The following PLAC1 variants were observed in gnomAD, a reference collection of about 807,000 sequenced individuals.
The protein encoded by PLAC1 is placenta-specific protein 1.
For synonymous variants in PLAC1, 68 were observed against 62.1 expected (o/e 1.09, Z -0.44); for missense variants, 136 against 163.2 (o/e 0.83, Z 0.91).
chrX:134,609,733 C>T (rs1277286106), intron 1 of PLAC1, among the ~76,000 whole-genome samples: 1 of 111,504 alleles, frequency 9.0e-6, no homozygotes, highest in African/African-American at 3.3e-5. Flanking sequence ...TTCCTTGGTG[C>T]ATCTGGGTGA....
intron 2 of PLAC1, among the ~76,000 whole-genome samples, chrX:134,588,697 G>C (rs2078019040): frequency 9.0e-6 from 1 of 110,683 alleles, no homozygotes; most frequent in Admixed American, 9.7e-5. Context: ...TTTGAGAGAA[G>C]GGATGAATTC....
intron 2 of PLAC1, among the ~76,000 whole-genome samples, chrX:134,571,218 A>G (rs1487672736): frequency 4.4e-5 from 5 of 112,595 alleles, no homozygotes; most frequent in Non-Finnish European, 7.5e-5. Flanking sequence ...GCTGCTTATA[A>G]AGTTCAGCAG....
chrX:134,573,250 A>G (rs2077919096), intron 2 of PLAC1, among the ~76,000 whole-genome samples: 1 of 112,494 alleles, frequency 8.9e-6, no homozygotes, highest in African/African-American at 3.2e-5. Flanking sequence ...GATGTATTTC[A>G]TAATTTCCAT....
intron 2 of PLAC1, among the ~76,000 whole-genome samples, chrX:134,698,993 T>C (rs2078573952): frequency 9.0e-6 from 1 of 111,374 alleles, no homozygotes; most frequent in South Asian, 3.8e-4. Flanking sequence ...CTCCATATAT[T>C]GAATCTATCA....
intron 1 of PLAC1, among the ~76,000 whole-genome samples, chrX:134,735,609 T>C (rs1013830636): frequency 9.1e-6 from 1 of 110,024 alleles, no homozygotes; most frequent in African/African-American, 3.3e-5. Flanking sequence ...TTTGCTGATA[T>C]AGGTCATGGC....
chrX:134,694,450 A>G (rs1464229689), intron 2 of PLAC1, among the ~76,000 whole-genome samples: 1 of 111,272 alleles, frequency 9.0e-6, no homozygotes, highest in Non-Finnish European at 1.9e-5. Context: ...GCACCTGGCA[A>G]TTTCCTATTG....
chrX:134,589,922 G>C (rs9792790), intron 2 of PLAC1, among the ~76,000 whole-genome samples: 1 of 110,461 alleles, frequency 9.1e-6, no homozygotes. Context: ...TGGGCCGGGC[G>C]CGGTGGCTCA....
chrX:134,701,362 T>C (rs1035158495), intron 2 of PLAC1, among the ~76,000 whole-genome samples: 1 of 111,882 alleles, frequency 8.9e-6, no homozygotes, highest in Non-Finnish European at 1.9e-5. Flanking sequence ...AACATCATTC[T>C]GGACATCTGC....
At chrX:134,761,542 G>A (rs980355964) in intron 1 of PLAC1, among the ~76,000 whole-genome samples, 1 of 112,122 alleles carries the variant, frequency 8.9e-6, no homozygotes, top group South Asian at 3.8e-4. Flanking sequence ...ATAAGGATAT[G>A]TAAATATATA....
intron 2 of PLAC1, among the ~76,000 whole-genome samples, chrX:134,669,357 G>A (rs1157246229): frequency 8.9e-6 from 1 of 112,153 alleles, no homozygotes; most frequent in Non-Finnish European, 1.9e-5. Flanking sequence ...TGTTGGGCAA[G>A]TTACTTAACC....
At position 134,610,865 on chromosome X, in the gene PLAC1, T is replaced by C. The variant is rs146366578; in HGVS notation, c.-130-8743A>G. On this transcript the variant is annotated intron_variant, in intron 1 of 2. Coordinates refer to ENST00000359237, the MANE Select transcript of PLAC1 (RefSeq NM_021796.4). ...TTTGTTGAGGCAGGGTCTCACTCTGTTGCCCCGGCTAGAGTGCAGTGGTAT... is the reference window on the plus strand; with the variant it reads ...TTTGTTGAGGCAGGGTCTCACTCTGCTGCCCCGGCTAGAGTGCAGTGGTAT... Among the ~76,000 whole-genome samples the C allele has an allele frequency of 7.1e-3, 794 of 111,784 alleles. 9 individuals are homozygous for C. Among genetic ancestry groups the C allele is most frequent in the African/African-American group, 0.023 (713 of 30,780 alleles).
At chrX:134,671,477 A>G (rs1034730175) in intron 2 of PLAC1, among the ~76,000 whole-genome samples, 2 of 110,883 alleles carry the variant, frequency 1.8e-5, no homozygotes, top group African/African-American at 6.6e-5. Context: ...AAGGGGTTTA[A>G]TTGACTCATA....
intron 2 of PLAC1, among the ~76,000 whole-genome samples, chrX:134,574,090 T>TCACACA (rs368393395): frequency 2.9e-5 from 3 of 104,328 alleles, no homozygotes; most frequent in Non-Finnish European, 3.9e-5. Context: ...TCTCTCTCTC[T>TCACACA]CACACACACA....
chrX:134,733,236 T>A (rs180996929), intron 2 of PLAC1, among the ~76,000 whole-genome samples: 1 of 110,154 alleles, frequency 9.1e-6, no homozygotes. Flanking sequence ...AGAGTCTTAG[T>A]TCACATCCTA....
intron 1 of PLAC1, among the ~76,000 whole-genome samples, chrX:134,762,722 G>A (rs953872906): frequency 9.5e-6 from 1 of 104,957 alleles, no homozygotes; most frequent in African/African-American, 3.5e-5. Context: ...CAGCTACTCG[G>A]GAAGCAGGAG....
intron 2 of PLAC1, among the ~76,000 whole-genome samples, chrX:134,665,853 T>A (rs953085576): frequency 9.0e-6 from 1 of 111,024 alleles, no homozygotes; most frequent in Non-Finnish European, 1.9e-5. Context: ...TACTGCCTTT[T>A]AGAGGAGTCT....
chrX:134,713,475 T>C (rs1288742574), intron 2 of PLAC1, among the ~76,000 whole-genome samples: 1 of 111,467 alleles, frequency 9.0e-6, no homozygotes, highest in Non-Finnish European at 1.9e-5. Context: ...ACAAAATAGG[T>C]ACATTCATTA....
At position 134,701,090 on chromosome X, in the gene PLAC1, C is replaced by T. The variant is rs776391771; in HGVS notation, n.174+32345G>A. 3.6e-5 allele frequency among the ~76,000 whole-genome samples: 4 copies of T among 111,703 alleles called. No homozygotes were observed. The Admixed American group carries it at 3.8e-4, about 11-fold the overall frequency. On this transcript the variant is annotated intron_variant and non_coding_transcript_variant, in intron 2 of 2. Transcript: ENST00000466797. The stretch of plus-strand genomic sequence containing the variant: ...TGTGGTACTGGTACAAAAACAGACA[C>T]ATAGATCAATGGAACAGAATAGAGA...
chrX:134,748,729 A>G (rs917761919), intron 1 of PLAC1, among the ~76,000 whole-genome samples: 4 of 111,539 alleles, frequency 3.6e-5, no homozygotes, highest in African/African-American at 1.3e-4. Context: ...AATGGGGGGA[A>G]CGTCTTGATA....
Sources: gnomAD v4.1 joint callset for allele counts (sites outside exome capture counted in the v4.1 genomes callset) on GRCh38, gnomAD v4.1.1 for gene constraint, MANE v1.5 for transcripts, NCBI Gene and HGNC (gene_info 2026-07-23, HGNC 2026-07-21) for gene names.